The following ENTPD7 variants were observed in gnomAD, a reference collection of about 807,000 sequenced individuals.
ENTPD7 encodes the protein ectonucleoside triphosphate diphosphohydrolase 7.
In ENTPD7, 53 loss-of-function variants were observed where a neutral mutation model predicts 77.9. The observed-to-expected ratio is 0.68, with a 90% CI of 0.55 to 0.85. ENTPD7 has a LOEUF of 0.85. Ranked by LOEUF, ENTPD7 falls within the 40% of genes least tolerant of loss-of-function variation. ENTPD7 has a pLI of 0.00. For missense variants in ENTPD7, 636 were observed against 743.7 expected (o/e 0.86, Z 1.68); for synonymous variants, 248 against 274.9 (o/e 0.90, Z 0.97).
intron 12 of ENTPD7, among the ~76,000 whole-genome samples, chr10:99,704,004 G>A (rs1206405030): frequency 6.6e-6 from 1 of 152,178 alleles, no homozygotes; most frequent in Non-Finnish European, 1.5e-5. Context: ...TTGATTACAA[G>A]CATGTGCCAC....
chr10:99,681,941 C>A (rs111356487), intron 5 of ENTPD7, among the ~76,000 whole-genome samples: 1 of 152,212 alleles, frequency 6.6e-6, no homozygotes, highest in African/African-American at 2.4e-5. Context: ...AACCCCTTAC[C>A]AAGGTATAGT....
At position 99,704,533 on chromosome 10, in the gene ENTPD7, T is replaced by C. The variant is rs1431813558; in HGVS notation, c.1665T>C (p.Phe555=). ...TTGTATACAACCACTATCTCTTCTT[T>C]GCCTGTATCCTGGTGGTGCTACTGG... ...LSFVYNHYLF[F]ACILVVLLAI... The change falls in exon 13 of 13, where the codon TTT becomes TTC. Residue 555 remains phenylalanine (F), a synonymous_variant. Coordinates refer to ENST00000370489, the MANE Select transcript of ENTPD7 (RefSeq NM_020354.5). 1 of 1,614,220 alleles carries C rather than the reference T, an allele frequency of 6.2e-7. No individual in the cohort carries two copies. The highest frequency in any genetic ancestry group is 8.5e-7 in the Non-Finnish European group (1 of 1,180,028).
At chr10:99,661,380 T>C in intron 2 of ENTPD7, 66 bp from the exon 3 acceptor site, 3 of 1,419,000 alleles carry the variant, frequency 2.1e-6, no homozygotes, top group Non-Finnish European at 2.9e-6. Flanking sequence ...TATCCAATTT[T>C]AAAACGATAT....
Position 99,679,791 on chromosome 10 carries a change from CT to C in ENTPD7, c.465del (p.Ala156LeufsTer6). ...TACCTTCGTCCTCTGCTGAGCTTTG[CT>C]GCTGCTCATGTGCCTGTGAAGAAGC... is the stretch of plus-strand genomic sequence containing the variant. ...SDYLRPLLSFAAAHVPVKKHK... is the reference protein window; with the variant it reads ...SDYLRPLLSFXAAHVPVKKHK... On this transcript the variant is annotated frameshift_variant, in exon 5 of 13. Transcript: ENST00000370489. LOFTEE classifies it high-confidence loss of function. The C allele has an allele frequency of 1.2e-6, 2 of 1,614,236 alleles. No homozygotes were observed. Among genetic ancestry groups the C allele is most frequent in the Non-Finnish European group, 1.7e-6 (2 of 1,180,042 alleles).
In ENTPD7 at chr10:99,701,045, G is replaced by A. The variant is rs1308033746; in HGVS notation, c.1408G>A (p.Glu470Lys). 26 of 1,613,866 alleles carry A rather than the reference G, an allele frequency of 1.6e-5. No homozygotes were observed. In the East Asian group the frequency reaches 5.8e-4, roughly 36 times the overall value. Residue 470 changes from glutamate (E) to lysine (K), a missense_variant, in exon 11 of 13, where the codon GAG (glutamate) becomes AAG (lysine). Glu to Lys is a moderately conservative substitution (Grantham distance 56). Coordinates refer to ENST00000370489, the MANE Select transcript of ENTPD7 (RefSeq NM_020354.5). ...KNGLFSSHAD[E>K]HRLKYQCFKS... ...TGGCCTCTTTTCATCACATGCAGAT[G>A]AGCATCGACTCAAGTAAGTTACTTC...
chr10:99,702,824 C>T, intron 12 of ENTPD7, 151 bp downstream of exon 12: 1 of 637,594 alleles, frequency 1.6e-6, no homozygotes, highest in South Asian at 3.3e-5. Flanking sequence ...AACTCCTTTA[C>T]TTCCATGTGA....
At chr10:99,671,634 A>C (rs1180256676) in intron 3 of ENTPD7, among the ~76,000 whole-genome samples, 1 of 152,256 alleles carries the variant, frequency 6.6e-6, no homozygotes, top group Admixed American at 6.5e-5. Context: ...GCATGTATAC[A>C]TAGTGTACAA....
chr10:99,691,730 G>A (rs1156887559), intron 8 of ENTPD7, among the ~76,000 whole-genome samples: 1 of 152,106 alleles, frequency 6.6e-6, no homozygotes, highest in Non-Finnish European at 1.5e-5. Context: ...ATAAAGTTAT[G>A]AGGATGAAAT....
At chr10:99,664,519 A>C (rs977803005) in intron 3 of ENTPD7, among the ~76,000 whole-genome samples, 4 of 145,220 alleles carry the variant, frequency 2.8e-5, no homozygotes, top group African/African-American at 1.0e-4. Context: ...GCGCTGTCTC[A>C]GCTCACTGCA....
rs2036306441 is a variant in ENTPD7, at chr10:99,709,023, C to G, written c.*4340C>G. On this transcript the variant is annotated 3_prime_UTR_variant, in exon 13 of 13. Transcript: ENST00000370489. Reference sequence around the variant, plus strand: ...AAAAATACTTTGTCAGAAATAGTGCCAAGTTTTCACTACATCTATTCTTGT... The same window carrying G: ...AAAAATACTTTGTCAGAAATAGTGCGAAGTTTTCACTACATCTATTCTTGT... 14 of 984,208 alleles carry G rather than the reference C, an allele frequency of 1.4e-5. No homozygotes were observed. Among genetic ancestry groups the G allele is most frequent in the Non-Finnish European group, 1.7e-5 (14 of 828,866 alleles). The allele number at this position is 984,208 out of a possible 1,614,324, so 61.0% of individuals were successfully genotyped here.
chr10:99,685,315 C>T (rs1446452983), intron 5 of ENTPD7, among the ~76,000 whole-genome samples: 2 of 152,220 alleles, frequency 1.3e-5, no homozygotes, highest in Non-Finnish European at 2.9e-5. Flanking sequence ...GTGGAACCAA[C>T]AGTACATCTT....
At chr10:99,704,245 T>G (rs1345971000) in intron 12 of ENTPD7, among the ~76,000 whole-genome samples, 1 of 152,154 alleles carries the variant, frequency 6.6e-6, no homozygotes, top group Non-Finnish European at 1.5e-5. Context: ...TGGAGGTCCC[T>G]TCTGGGGGCC....
chr10:99,693,414 G>T (rs774402784), intron 8 of ENTPD7, among the ~76,000 whole-genome samples: 3 of 152,176 alleles, frequency 2.0e-5, no homozygotes, highest in African/African-American at 7.2e-5. Flanking sequence ...GGACTAACTA[G>T]GTTGTGATAC....
Position 99,705,281 on chromosome 10 carries a change from G to A in ENTPD7, c.*598G>A, listed in dbSNP as rs2036230203. The A allele has an allele frequency of 6.4e-6, 1 of 156,700 alleles. No homozygotes were observed. The allele number at this position is 156,700 out of a possible 1,614,324, so 9.7% of individuals were successfully genotyped here. On this transcript the variant is annotated 3_prime_UTR_variant, in exon 13 of 13. Transcript: ENST00000370489. Reference sequence around the variant, plus strand: ...GGTGTGATCCAAGATCCCTGTCGTAGTGTTGATGATGTTAGTACATGATTT... The same window carrying A: ...GGTGTGATCCAAGATCCCTGTCGTAATGTTGATGATGTTAGTACATGATTT...
intron 3 of ENTPD7, among the ~76,000 whole-genome samples, chr10:99,662,919 T>A (rs1337965649): frequency 6.6e-6 from 1 of 152,234 alleles, no homozygotes; most frequent in East Asian, 1.9e-4. Flanking sequence ...ACACCAAGGT[T>A]GACATGTTCT....
rs116634553 is a variant in ENTPD7, at chr10:99,707,420, C to T, written c.*2737C>T. ...CTTACTCCTTGCTGAGAGCCAATTA[C>T]TTAAATATATTTCTTCCTTATAATA... On this transcript the variant is annotated 3_prime_UTR_variant, in exon 13 of 13. Coordinates refer to ENST00000370489, the MANE Select transcript of ENTPD7 (RefSeq NM_020354.5). Among the ~76,000 whole-genome samples the T allele has an allele frequency of 8.0e-3, 1,223 of 152,324 alleles. 14 individuals are homozygous for T. Among genetic ancestry groups the T allele is most frequent in the African/African-American group, 0.027 (1,142 of 41,572 alleles).
At position 99,707,148 on chromosome 10, in the gene ENTPD7, CT is replaced by C. The variant is rs1173463994; in HGVS notation, c.*2467del. ...TCACTTTTTCAATATATATGTATTTCTTATTCTTATTTTGTCTTGGAGTGTT... is the reference window on the plus strand; with the variant it reads ...TCACTTTTTCAATATATATGTATTTCTATTCTTATTTTGTCTTGGAGTGTT... On this transcript the variant is annotated 3_prime_UTR_variant, in exon 13 of 13. Transcript: ENST00000370489. Among the ~76,000 whole-genome samples the C allele has an allele frequency of 6.6e-6, 1 of 152,068 alleles. No homozygotes were observed. Among genetic ancestry groups the C allele is most frequent in the Non-Finnish European group, 1.5e-5 (1 of 68,000 alleles).
chr10:99,702,738 G>C, intron 12 of ENTPD7, 65 bp downstream of exon 12: 6 of 1,433,864 alleles, frequency 4.2e-6, no homozygotes, highest in Non-Finnish European at 4.6e-6. Context: ...CCTCAGAATC[G>C]GTTTCTTTCT....
At chr10:99,673,411 T>C (rs2035639646) in intron 3 of ENTPD7, among the ~76,000 whole-genome samples, 2 of 152,308 alleles carry the variant, frequency 1.3e-5, no homozygotes, top group Middle Eastern at 3.4e-3. Context: ...GGCTTCTAGT[T>C]GGTTGAAAGT....
Sources: gnomAD v4.1 joint callset for allele counts (sites outside exome capture counted in the v4.1 genomes callset) on GRCh38, gnomAD v4.1.1 for gene constraint, MANE v1.5 for transcripts, NCBI Gene and HGNC (gene_info 2026-07-23, HGNC 2026-07-21) for gene names.